The following RGS6 variants were observed in gnomAD, a reference collection of about 807,000 sequenced individuals.
RGS6 encodes the protein regulator of G-protein signaling 6.
RGS6 carries 30 observed loss-of-function variants against 78.5 expected under a neutral mutation model. That is an observed-to-expected ratio of 0.38 (90% confidence interval 0.29 to 0.52). The LOEUF is 0.52. Among genes scored for constraint, RGS6 ranks in the 20% least tolerant of loss-of-function variants. The pLI is 0.85. For synonymous variants in RGS6, 206 were observed against 206.0 expected, an observed-to-expected ratio of 1.00 and a Z score of 0.00; for missense variants, 495 against 609.7, an observed-to-expected ratio of 0.81 and a Z score of 1.98.
chr14:72,543,427 T>C (rs1310379728), intron 17 of RGS6, among the ~76,000 whole-genome samples: 2 of 152,192 alleles, frequency 1.3e-5, no homozygotes, highest in Non-Finnish European at 2.9e-5. Flanking sequence ...GGTCATGTGA[T>C]TTGGAGCCTG....
chr14:72,000,961 A>G (rs991307666), intron 2 of RGS6, among the ~76,000 whole-genome samples: 1 of 152,218 alleles, frequency 6.6e-6, no homozygotes, highest in Non-Finnish European at 1.5e-5. Context: ...TGGTCTGAGA[A>G]TATATCCTGA....
chr14:71,902,448 G>C, the RGS6 span, among the ~76,000 whole-genome samples: 1 of 152,010 alleles, frequency 6.6e-6, no homozygotes. Context: ...TACATCAAAG[G>C]GGCCTTTGAG....
intron 2 of RGS6, among the ~76,000 whole-genome samples, chr14:72,037,120 G>T (rs569931265): frequency 6.6e-6 from 1 of 152,144 alleles, no homozygotes; most frequent in Admixed American, 6.5e-5. Flanking sequence ...CTGTAAAAAC[G>T]TACCAATCAG....
At chr14:72,134,753 T>C (rs945460645) in intron 2 of RGS6, among the ~76,000 whole-genome samples, 2 of 152,202 alleles carry the variant, frequency 1.3e-5, no homozygotes, top group Non-Finnish European at 2.9e-5. Context: ...GGGGAGTTGA[T>C]GGTGTAACTA....
At chr14:72,535,295 T>C (rs1486613572) in intron 15 of RGS6, among the ~76,000 whole-genome samples, 1 of 152,210 alleles carries the variant, frequency 6.6e-6, no homozygotes, top group Admixed American at 6.5e-5. Context: ...TAGTTACATG[T>C]CCTGTGATGT....
intron 8 of RGS6, among the ~76,000 whole-genome samples, chr14:72,472,094 G>A (rs974545959): frequency 1.3e-5 from 2 of 150,920 alleles, no homozygotes; most frequent in Admixed American, 6.6e-5. Flanking sequence ...CGAGAGAGCC[G>A]AGACCTAGGA....
chr14:71,970,153 A>G (rs968435663), intron 2 of RGS6, among the ~76,000 whole-genome samples: 4 of 152,254 alleles, frequency 2.6e-5, no homozygotes, highest in African/African-American at 9.6e-5. Context: ...ATTATATGCT[A>G]TATACATAAC....
the RGS6 span, among the ~76,000 whole-genome samples, chr14:72,574,400 G>A: frequency 1.3e-5 from 2 of 152,092 alleles, no homozygotes; most frequent in Non-Finnish European, 2.9e-5. Context: ...CCCAGCAACT[G>A]GCATTGCAAA....
At chr14:72,004,851 C>A (rs77087056) in intron 2 of RGS6, among the ~76,000 whole-genome samples, 2 of 138,396 alleles carry the variant, frequency 1.4e-5, no homozygotes, top group African/African-American at 3.0e-5. Flanking sequence ...ATAAATAAAA[C>A]AAACATAAAA....
chr14:72,626,356 T>C, the RGS6 span, among the ~76,000 whole-genome samples: 1 of 152,178 alleles, frequency 6.6e-6, no homozygotes, highest in African/African-American at 2.4e-5. Context: ...TTATTCTTCT[T>C]ATATTTCTTT....
At chr14:72,532,653 C>T (rs2097197535) in intron 15 of RGS6, among the ~76,000 whole-genome samples, 1 of 152,204 alleles carries the variant, frequency 6.6e-6, no homozygotes, top group Non-Finnish European at 1.5e-5. Context: ...CTCCAGTGAA[C>T]ACACAAAAGA....
chr14:71,876,473 CTTTTTTTTTTTTTTTTTTTTTTTTTTT>C, the RGS6 span, among the ~76,000 whole-genome samples: 11 of 72,470 alleles, frequency 1.5e-4, no homozygotes, highest in South Asian at 4.5e-4. Context: ...GCAACCGCTG[CTTTTTTTTTTTTTTTTTTTTTTTTTTT>C]TTTTTTTTTT....
At chr14:72,113,499 TTTTA>T (rs2095818535) in intron 2 of RGS6, among the ~76,000 whole-genome samples, 1 of 152,258 alleles carries the variant, frequency 6.6e-6, no homozygotes, top group African/African-American at 2.4e-5. Flanking sequence ...GCATCTCTGC[TTTTA>T]TTTGACGGGT....
At chr14:72,322,223 G>T (rs2072283401) in intron 2 of RGS6, among the ~76,000 whole-genome samples, 1 of 151,836 alleles carries the variant, frequency 6.6e-6, no homozygotes, top group Admixed American at 6.6e-5. Context: ...AATAAAAGCA[G>T]AAAATAGGAA....
At chr14:72,397,164 A>G (rs1212881719) in intron 3 of RGS6, among the ~76,000 whole-genome samples, 1 of 152,188 alleles carries the variant, frequency 6.6e-6, no homozygotes, top group Non-Finnish European at 1.5e-5. Flanking sequence ...TTTTCACGAT[A>G]TCGATTCTTC....
chr14:72,568,616 A>T (rs1246074128), downstream of RGS6, among the ~76,000 whole-genome samples: 1 of 152,204 alleles, frequency 6.6e-6, no homozygotes, highest in Non-Finnish European at 1.5e-5. Context: ...AGGCCTGAGA[A>T]ACAGCAGAGT....
chr14:71,920,499 G>A, the RGS6 span, among the ~76,000 whole-genome samples: 2 of 152,202 alleles, frequency 1.3e-5, no homozygotes, highest in South Asian at 2.1e-4. Context: ...TGAAGAGAAA[G>A]AGGTAGGAAA....
chr14:72,596,511 C>T, the RGS6 span, among the ~76,000 whole-genome samples: 2 of 152,112 alleles, frequency 1.3e-5, no homozygotes, highest in Non-Finnish European at 2.9e-5. Context: ...GACTACAGCC[C>T]CTAATTGGTA....
chr14:72,414,165 T>C (rs1159123461), intron 3 of RGS6, among the ~76,000 whole-genome samples: 2 of 152,230 alleles, frequency 1.3e-5, no homozygotes, highest in African/African-American at 4.8e-5. Context: ...GCAGAGTGTT[T>C]TCCAACTTGG....
Sources: allele counts gnomAD v4.1 joint callset (sites outside exome capture counted in the v4.1 genomes callset), GRCh38; gene constraint gnomAD v4.1.1; transcripts MANE v1.5; gene names NCBI Gene and HGNC (gene_info 2026-07-23, HGNC 2026-07-21).